Variants in KCNJ6 observed in about 807,000 individuals in gnomAD.
The protein encoded by KCNJ6 is G protein-activated inward rectifier potassium channel 2.
KCNJ6 carries 9 observed loss-of-function variants against 34.2 expected under a neutral mutation model. The ratio of observed to expected loss-of-function variants is 0.26; its 90% CI spans 0.16 to 0.46. The LOEUF (loss-of-function observed/expected upper bound fraction) is 0.46, where lower values mean the gene tolerates loss of function less well. KCNJ6 is among the 20% of genes least tolerant of loss of function. The pLI is 1.00. For synonymous variants in KCNJ6, 196 were observed against 207.1 expected, an observed-to-expected ratio of 0.95 and a Z score of 0.46; for missense variants, 236 against 531.3, an observed-to-expected ratio of 0.44 and a Z score of 5.46.
intron 2 of KCNJ6, among the ~76,000 whole-genome samples, chr21:37,762,372 G>C (rs1291737874): frequency 3.3e-5 from 5 of 152,156 alleles, no homozygotes. Flanking sequence ...TAAGGGATGT[G>C]GATGAACAGG....
chr21:37,683,274 T>C (rs989190197), intron 3 of KCNJ6, among the ~76,000 whole-genome samples: 1 of 152,178 alleles, frequency 6.6e-6, no homozygotes, highest in Non-Finnish European at 1.5e-5. Context: ...GTTGCAAATG[T>C]GGCTTCCCCC....
intron 1 of KCNJ6, among the ~76,000 whole-genome samples, chr21:37,898,749 T>A (rs148887038): frequency 6.6e-6 from 1 of 152,206 alleles, no homozygotes; most frequent in Non-Finnish European, 1.5e-5. Context: ...AGCCTCAGTA[T>A]TTCCATCTGC....
At position 37,714,089 on chromosome 21, in the gene KCNJ6, A is replaced by AG; in HGVS notation, c.946+121dup. Reference sequence around the variant, plus strand: ...TGTAGGCATACTATGTCATGAAGCAAGGGGATGTTGTCAATATTGAGTGAG... The same window carrying AG: ...TGTAGGCATACTATGTCATGAAGCAAGGGGGATGTTGTCAATATTGAGTGAG... On this transcript the variant is annotated intron_variant, in intron 3 of 3. Transcript: ENST00000609713. This position sits in a 1 kb window ranked among gnomAD's most constrained non-coding sequence, Gnocchi z 5.9. The AG allele has an allele frequency of 2.7e-6, 2 of 737,164 alleles. No individual in the cohort carries two copies. The highest frequency in any genetic ancestry group is 4.6e-6 in the Non-Finnish European group (2 of 431,366). 45.7% of individuals were successfully genotyped at this position (737,164 alleles called of 1,614,324 possible).
rs71328602 is a variant in KCNJ6, at chr21:37,610,598, TAAAAAAAAA to T, written c.*14552_*14560del. On this transcript the variant is annotated 3_prime_UTR_variant, in exon 4 of 4. Coordinates refer to ENST00000609713, the MANE Select transcript of KCNJ6 (RefSeq NM_002240.5). Reference sequence around the variant, plus strand: ...TGGGCAACAGAGTGAGACTCTGTCTTAAAAAAAAAAAAAAAAAAAAAAGGAATACAAGTC... The same window carrying T: ...TGGGCAACAGAGTGAGACTCTGTCTTAAAAAAAAAAAAAGGAATACAAGTC... 6 of 77,474 alleles carry T rather than the reference TAAAAAAAAA, an allele frequency of 7.7e-5. No homozygotes were observed. Among genetic ancestry groups the T allele is most frequent in the Non-Finnish European group, 1.1e-4 (5 of 45,232 alleles). The allele number at this position is 77,474 out of a possible 1,614,324, so 4.8% of individuals were successfully genotyped here.
At chr21:37,657,884 G>T (rs144210288) in intron 3 of KCNJ6, among the ~76,000 whole-genome samples, 2 of 152,214 alleles carry the variant, frequency 1.3e-5, no homozygotes, top group African/African-American at 4.8e-5. Context: ...ATTTCACGAC[G>T]GTGTCTTTCC....
intron 1 of KCNJ6, among the ~76,000 whole-genome samples, chr21:37,855,923 T>G (rs2055562798): frequency 6.6e-6 from 1 of 152,254 alleles, no homozygotes; most frequent in Admixed American, 6.5e-5. Context: ...CAGGGGCCTC[T>G]GTCCCTGACA....
At chr21:37,713,547 A>G (rs1044101444) in intron 3 of KCNJ6, among the ~76,000 whole-genome samples, 5 of 152,198 alleles carry the variant, frequency 3.3e-5, no homozygotes, top group African/African-American at 1.2e-4. Context: ...TATTTCCTGA[A>G]CAGATCATCT....
At chr21:37,756,398 G>C (rs1356266434) in intron 2 of KCNJ6, among the ~76,000 whole-genome samples, 1 of 152,244 alleles carries the variant, frequency 6.6e-6, no homozygotes, top group African/African-American at 2.4e-5. Context: ...TGGGAGCAGG[G>C]CTGGCGTGGG....
intron 1 of KCNJ6, among the ~76,000 whole-genome samples, chr21:37,851,845 C>A (rs1286361571): frequency 1.3e-5 from 2 of 151,880 alleles, no homozygotes; most frequent in Non-Finnish European, 2.9e-5. Context: ...GGAAGCCATA[C>A]CAGCTAGGGA....
chr21:37,753,033 C>T (rs1005254710), intron 2 of KCNJ6, among the ~76,000 whole-genome samples: 3 of 152,128 alleles, frequency 2.0e-5, no homozygotes, highest in African/African-American at 4.8e-5. Context: ...GCAAGGTGGG[C>T]TGGGCAGGGA....
At chr21:37,667,837 C>T (rs1428335104) in intron 3 of KCNJ6, among the ~76,000 whole-genome samples, 5 of 152,104 alleles carry the variant, frequency 3.3e-5, no homozygotes, top group Non-Finnish European at 7.4e-5. Flanking sequence ...TGACTGAGAA[C>T]CACTGTCCTA....
intron 2 of KCNJ6, among the ~76,000 whole-genome samples, chr21:37,793,588 GCCTCT>G (rs2055227617): frequency 1.4e-5 from 2 of 144,542 alleles, no homozygotes; most frequent in Admixed American, 1.4e-4. Flanking sequence ...GAGCTATCAA[GCCTCT>G]AAGGCTCCCT....
intron 1 of KCNJ6, among the ~76,000 whole-genome samples, chr21:37,845,258 G>A (rs1037882063): frequency 2.6e-5 from 4 of 152,210 alleles, no homozygotes; most frequent in African/African-American, 9.7e-5. Context: ...ATCATCTCAT[G>A]TTCTTTTAAA....
At chr21:37,899,892 G>T (rs1488592458) in intron 1 of KCNJ6, among the ~76,000 whole-genome samples, 6 of 152,198 alleles carry the variant, frequency 3.9e-5, no homozygotes, top group Non-Finnish European at 7.3e-5. Flanking sequence ...GTGTTTGCTT[G>T]GTGTCTGATG....
At chr21:37,634,287 GC>G (rs978740587) in intron 3 of KCNJ6, among the ~76,000 whole-genome samples, 1 of 146,044 alleles carries the variant, frequency 6.8e-6, no homozygotes, top group Non-Finnish European at 1.5e-5. Flanking sequence ...AAAGAGCCTG[GC>G]ACCTCCATCC....
intron 1 of KCNJ6, among the ~76,000 whole-genome samples, chr21:37,887,397 T>C (rs146439561): frequency 1.8e-4 from 27 of 152,310 alleles, no homozygotes; most frequent in African/African-American, 6.3e-4. Flanking sequence ...GTTGCTATCA[T>C]GCATCCACTC....
At chr21:37,660,796 T>C (rs1292036903) in intron 3 of KCNJ6, among the ~76,000 whole-genome samples, 1 of 152,224 alleles carries the variant, frequency 6.6e-6, no homozygotes. Context: ...GGGCACCCGT[T>C]TGGCCTTAAT....
intron 1 of KCNJ6, among the ~76,000 whole-genome samples, chr21:37,913,560 C>A (rs1393869542): frequency 6.6e-6 from 1 of 152,236 alleles, no homozygotes; most frequent in South Asian, 2.1e-4. Flanking sequence ...TGGCTCACGC[C>A]TGTAATCCCA....
intron 2 of KCNJ6, among the ~76,000 whole-genome samples, chr21:37,834,703 A>G (rs565809117): frequency 1.3e-5 from 2 of 152,364 alleles, no homozygotes; most frequent in South Asian, 4.1e-4. Context: ...TCTTCATTTC[A>G]TCTGACACAA....
Sources: gnomAD v4.1 joint callset for allele counts (sites outside exome capture counted in the v4.1 genomes callset) on GRCh38, gnomAD v4.1.1 for gene constraint, Gnocchi (gnomAD v3.1) non-coding constraint, MANE v1.5 for transcripts, NCBI Gene and HGNC (gene_info 2026-07-23, HGNC 2026-07-21) for gene names.